The following PIK3CB variants were observed in gnomAD, a reference collection of about 807,000 sequenced individuals.
The protein encoded by PIK3CB is phosphatidylinositol-4,5-bisphosphate 3-kinase catalytic subunit beta.
A neutral mutation model predicts 136.8 loss-of-function variants in PIK3CB; 39 were observed. That is an observed-to-expected ratio of 0.29 (90% confidence interval 0.22 to 0.37). The LOEUF (loss-of-function observed/expected upper bound fraction) is 0.37, where lower values mean the gene tolerates loss of function less well. Among genes scored for constraint, PIK3CB ranks in the 10% least tolerant of loss-of-function variants. The pLI, the probability that PIK3CB is intolerant of heterozygous loss-of-function variation, is 1.00. For missense variants in PIK3CB, 868 were observed against 1,275.4 expected (o/e 0.68, Z 4.87); for synonymous variants, 428 against 436.6 (o/e 0.98, Z 0.25).
intron 18 of PIK3CB, among the ~76,000 whole-genome samples, 180 bp downstream of exon 18, chr3:138,683,498 A>G (rs1370078008): frequency 6.6e-6 from 1 of 152,088 alleles, no homozygotes; most frequent in Non-Finnish European, 1.5e-5. Context: ...AAATCATTTT[A>G]TAAGAGGGGG....
intron 1 of PIK3CB, among the ~76,000 whole-genome samples, chr3:138,830,235 A>G (rs1483622154): frequency 1.3e-5 from 2 of 152,038 alleles, no homozygotes; most frequent in African/African-American, 4.8e-5. Flanking sequence ...CCTGCCCACC[A>G]CGGTAAGCCA....
At chr3:138,699,156 G>T in intron 12 of PIK3CB, 61 bp from the exon 13 acceptor site, 25 of 542,256 alleles carry the variant, frequency 4.6e-5, no homozygotes, top group Middle Eastern at 4.4e-4. Context: ...CGAACTTTCA[G>T]TAAATTTATA....
chr3:138,757,894 C>A (rs1178718637), intron 3 of PIK3CB, among the ~76,000 whole-genome samples: 1 of 152,150 alleles, frequency 6.6e-6, no homozygotes, highest in Non-Finnish European at 1.5e-5. Flanking sequence ...TGTGAACCAA[C>A]AATCACACTT....
chr3:138,703,425 G>C lies in PIK3CB; in HGVS notation c.1581+1018C>G, dbSNP rs145296073. Among the ~76,000 whole-genome samples the C allele has an allele frequency of 4.5e-4, 69 of 152,232 alleles. 1 individual carries two copies. The highest frequency in any genetic ancestry group is 6.8e-3 in the Middle Eastern group (2 of 294). On this transcript the variant is annotated intron_variant, in intron 12 of 23. Transcript: ENST00000674063. ...CTATAACACTGCCATGCTACAGGTA[G>C]AATGACTTTGCTAAATAGACTTAAA...
intron 1 of PIK3CB, among the ~76,000 whole-genome samples, chr3:138,818,876 A>G (rs1446291283): frequency 2.0e-5 from 3 of 152,216 alleles, no homozygotes; most frequent in Non-Finnish European, 4.4e-5. Context: ...CTGTAATATA[A>G]AGAGAAATAA....
Position 138,691,088 on chromosome 3 carries a change from G to C in PIK3CB, c.1948C>G (p.Pro650Ala), listed in dbSNP as rs894906262. 1.5e-5 allele frequency: 24 copies of C among 1,611,980 alleles called. No homozygotes were observed. The highest frequency in any genetic ancestry group is 2.0e-5 in the Non-Finnish European group (23 of 1,178,134). The stretch of plus-strand genomic sequence containing the variant: ...CTAGAGAGGGCACAATCAAGAAAAG[G>C]CTCATATTTTAACACTTGCACCAGT... ...LQLVQVLKYE[P>A]FLDCALSRFL... Residue 650 changes from proline (P) to alanine (A), a missense_variant, in exon 15 of 24, where the codon CCT (proline) becomes GCT (alanine). Transcript: ENST00000674063.
intron 8 of PIK3CB, among the ~76,000 whole-genome samples, chr3:138,724,295 T>C (rs1393552009): frequency 6.6e-6 from 1 of 152,158 alleles, no homozygotes; most frequent in Non-Finnish European, 1.5e-5. Flanking sequence ...TAGAAATGAA[T>C]AGCCAAATGA....
At chr3:138,740,692 G>A (rs967117835) in intron 5 of PIK3CB, among the ~76,000 whole-genome samples, 8 of 151,262 alleles carry the variant, frequency 5.3e-5, no homozygotes, top group Non-Finnish European at 7.4e-5. Context: ...TCCCTCTGTC[G>A]CCCAAGCTGA....
chr3:138,712,128 G>T, intron 10 of PIK3CB, 80 bp downstream of exon 10: 1 of 567,732 alleles, frequency 1.8e-6, no homozygotes, highest in Non-Finnish European at 3.1e-6. Flanking sequence ...TTGAAAGAAC[G>T]GTGATTCATA....
At chr3:138,669,760 G>A (rs2043495305) in intron 19 of PIK3CB, among the ~76,000 whole-genome samples, 1 of 152,074 alleles carries the variant, frequency 6.6e-6, no homozygotes. Flanking sequence ...TGCAAACATG[G>A]CACTGTTACA....
chr3:138,711,527 C>A (rs535722243), intron 10 of PIK3CB, among the ~76,000 whole-genome samples: 1 of 134,524 alleles, frequency 7.4e-6, no homozygotes, highest in East Asian at 2.3e-4. Context: ...TGCAGTGAGC[C>A]AAGATCACAC....
chr3:138,789,166 C>T lies in PIK3CB; in HGVS notation c.-17+7297G>A, dbSNP rs1047480340. ...GCATATGGCAGGGCGTGATGGCTCA[C>T]GCCTGTAATCCCAGCATGATATTGT... On this transcript the variant is annotated intron_variant, in intron 2 of 23. Transcript: ENST00000674063. 2.0e-5 allele frequency among the ~76,000 whole-genome samples: 3 copies of T among 152,088 alleles called. No individual in the cohort carries two copies. In the East Asian group the frequency reaches 5.8e-4, roughly 29 times the overall value.
At chr3:138,801,487 T>C (rs761823341) in intron 1 of PIK3CB, among the ~76,000 whole-genome samples, 2 of 152,018 alleles carry the variant, frequency 1.3e-5, no homozygotes, top group South Asian at 2.1e-4. Context: ...TCCTAAAGCT[T>C]TGAGACACTA....
At chr3:138,815,368 A>AAAAAAAACC (rs1553743732) in intron 1 of PIK3CB, among the ~76,000 whole-genome samples, 2 of 105,910 alleles carry the variant, frequency 1.9e-5, no homozygotes, top group Non-Finnish European at 3.9e-5. Context: ...AAAAAAAAAA[A>AAAAAAAACC]AAAAAAACTA....
chr3:138,815,502 A>G (rs1386145542), intron 1 of PIK3CB, among the ~76,000 whole-genome samples: 1 of 151,920 alleles, frequency 6.6e-6, no homozygotes, highest in Non-Finnish European at 1.5e-5. Flanking sequence ...ATATAAATAC[A>G]GAAAAAATAT....
chr3:138,669,270 G>C (rs2043479295), intron 19 of PIK3CB, among the ~76,000 whole-genome samples: 1 of 151,774 alleles, frequency 6.6e-6, no homozygotes, highest in Non-Finnish European at 1.5e-5. Context: ...AAATTAGCCA[G>C]GTGTGATGAC....
At chr3:138,823,516 A>C (rs1011563785) in intron 1 of PIK3CB, among the ~76,000 whole-genome samples, 135 of 152,026 alleles carry the variant, frequency 8.9e-4, no homozygotes, top group African/African-American at 3.2e-3. Flanking sequence ...CATCCTGGGC[A>C]ACATGGTGAA....
At chr3:138,776,207 AAAAG>A (rs934920304) in intron 2 of PIK3CB, among the ~76,000 whole-genome samples, 2 of 152,184 alleles carry the variant, frequency 1.3e-5, no homozygotes, top group Non-Finnish European at 2.9e-5. Flanking sequence ...TCAACAAAAA[AAAAG>A]AAAGAAAGAA....
intron 2 of PIK3CB, among the ~76,000 whole-genome samples, chr3:138,764,173 G>C (rs1300803434): frequency 6.6e-6 from 1 of 151,330 alleles, no homozygotes; most frequent in African/African-American, 2.4e-5. Flanking sequence ...ACAAGGCTAA[G>C]AGTGGTGGCT....
Sources: allele counts gnomAD v4.1 joint callset (sites outside exome capture counted in the v4.1 genomes callset), GRCh38; gene constraint gnomAD v4.1.1; transcripts MANE v1.5; gene names NCBI Gene and HGNC (gene_info 2026-07-23, HGNC 2026-07-21).